NLRC3: variants seen among roughly 807,000 people sequenced by gnomAD.
The protein encoded by NLRC3 is NLR family CARD domain-containing protein 3.
NLRC3 carries 87 observed loss-of-function variants against 91.6 expected under a neutral mutation model. The observed-to-expected ratio is 0.95, with a 90% confidence interval of 0.80 to 1.14. The LOEUF (loss-of-function observed/expected upper bound fraction) is 1.14, where lower values mean the gene tolerates loss of function less well. NLRC3 is among the 50% of genes most tolerant of loss of function. The pLI is 0.00. For missense variants in NLRC3, 1,577 were observed against 1,418.6 expected (o/e 1.11, Z -1.79); for synonymous variants, 694 against 625.3 (o/e 1.11, Z -1.64).
rs1484468253 is a variant in NLRC3 at position 3,564,383 on chromosome 16, T to C, written c.554A>G (p.His185Arg). Residue 185 changes from histidine (H) to arginine (R), a missense_variant, in exon 5 of 20, where the codon CAC becomes CGC. Transcript: ENST00000359128. The surrounding 1 kb of genome is among the most constrained non-coding windows in gnomAD (Gnocchi z 5.9). ...LPLTFRDLNT[H>R]EKLCADRLIC... ...GAGTCGGTCGGCACACAGCTTCTCG[T>C]GGGTGTTGAGATCCCGGAAGGTCAG... The C allele has an allele frequency of 1.2e-6, 2 of 1,612,488 alleles. No individual in the cohort carries two copies. The highest frequency in any genetic ancestry group is 2.2e-5 in the East Asian group (1 of 44,890).
chr16:3,554,813 C>G (rs2039214665), intron 8 of NLRC3, among the ~76,000 whole-genome samples: 1 of 152,134 alleles, frequency 6.6e-6, no homozygotes, highest in South Asian at 2.1e-4. Flanking sequence ...TCGTATTCAC[C>G]AATGTTCACA....
chr16:3,544,727 A>T (rs1596431013), intron 15 of NLRC3: 1 of 209,064 alleles, frequency 4.8e-6, no homozygotes. Flanking sequence ...GCTGGAATGC[A>T]GTGGTGAGAT....
At chr16:3,561,400 G>C (rs1438807296) in intron 6 of NLRC3, among the ~76,000 whole-genome samples, 1 of 152,146 alleles carries the variant, frequency 6.6e-6, no homozygotes, top group East Asian at 1.9e-4. Context: ...AACTTGGAGA[G>C]GTGCTTAGAG....
chr16:3,541,653 G>T lies in NLRC3; in HGVS notation c.*172C>A. 1.7e-6 allele frequency: 1 copy of T among 605,952 alleles called. No individual in the cohort carries two copies. Among genetic ancestry groups the T allele is most frequent in the Non-Finnish European group, 2.9e-6 (1 of 339,570 alleles). 37.5% of individuals were successfully genotyped at this position (605,952 alleles called of 1,614,324 possible). Reference sequence around the variant, plus strand: ...TGCCTGGACCACTCCTGCAGCAGAAGAGGAGCTCACGACCTCCTCCGGCAG... The same window carrying T: ...TGCCTGGACCACTCCTGCAGCAGAATAGGAGCTCACGACCTCCTCCGGCAG... On this transcript the variant is annotated 3_prime_UTR_variant, in exon 20 of 20. Coordinates refer to ENST00000359128, the MANE Select transcript of NLRC3 (RefSeq NM_178844.4).
At chr16:3,555,600 C>G (rs893009780) in intron 8 of NLRC3, among the ~76,000 whole-genome samples, 2 of 151,972 alleles carry the variant, frequency 1.3e-5, no homozygotes, top group South Asian at 4.2e-4. Context: ...GACAGAGTCT[C>G]GCTCTGTCGC....
chr16:3,550,242 C>T (rs963292002), intron 11 of NLRC3, among the ~76,000 whole-genome samples, 172 bp downstream of exon 11: 2 of 152,254 alleles, frequency 1.3e-5, no homozygotes, highest in South Asian at 2.1e-4. Context: ...CCAGCCCCCA[C>T]TGTCTAGGGA....
chr16:3,542,959 C>T, intron 17 of NLRC3, 184 bp from the exon 18 acceptor site: 1 of 582,600 alleles, frequency 1.7e-6, no homozygotes, highest in Non-Finnish European at 3.1e-6. Flanking sequence ...AAGCAGGGCA[C>T]ACAGGGGCAT....
rs771201303 is a variant in NLRC3 at position 3,542,685 on chromosome 16, CACTT to C, written c.3023+3_3023+6del. On this transcript the variant is annotated splice_donor_5th_base_variant and intron_variant, in intron 18 of 19. Coordinates refer to ENST00000359128, the MANE Select transcript of NLRC3 (RefSeq NM_178844.4). ...CAGGATGCAGGTAGGTCCCTCCAGC[CACTT>C]ACTTGAGTCTCCGGAGACTTGAGTT... 2 of 1,594,986 alleles carry C rather than the reference CACTT, an allele frequency of 1.3e-6. No individual in the cohort carries two copies. Among genetic ancestry groups the C allele is most frequent in the Non-Finnish European group, 1.7e-6 (2 of 1,165,262 alleles).
rs2038317598 is a variant in NLRC3 at position 3,539,500 on chromosome 16, T to G, written c.*2325A>C. 1 of 152,182 alleles carries G rather than the reference T, an allele frequency of 6.6e-6. No homozygotes were observed. Among genetic ancestry groups the G allele is most frequent in the South Asian group, 2.1e-4 (1 of 4,820 alleles). 9.4% of individuals were successfully genotyped at this position (152,182 alleles called of 1,614,324 possible). ...GAGAGAGGGAGGACTCTTTGTTTTC[T>G]CCACCAGTTTGGCTCCTGAGGTTTC... On this transcript the variant is annotated 3_prime_UTR_variant, in exon 20 of 20. Coordinates refer to ENST00000359128, the MANE Select transcript of NLRC3 (RefSeq NM_178844.4).
Position 3,565,051 on chromosome 16 carries a change from C to A in NLRC3, c.-15G>T. 6.2e-7 allele frequency: 1 copy of A among 1,605,794 alleles called. No individual in the cohort carries two copies. The highest frequency in any genetic ancestry group is 8.5e-7 in the Non-Finnish European group (1 of 1,178,768). ...TGCTTCCTCATGGAGTCGGGGATCA[C>A]CTCCAGGAGCTGTGAAGAGAGGGCC... On this transcript the variant is annotated 5_prime_UTR_variant, in exon 4 of 20. Transcript: ENST00000359128.
chr16:3,563,666 C>G lies in NLRC3; in HGVS notation c.1271G>C (p.Gly424Ala), dbSNP rs199674712. 347 of 1,613,654 alleles carry G rather than the reference C, an allele frequency of 2.2e-4. No individual in the cohort carries two copies. Among genetic ancestry groups the G allele is most frequent in the Non-Finnish European group, 2.8e-4 (329 of 1,179,894 alleles). Residue 424 changes from glycine to alanine, a missense_variant, in exon 5 of 20, where the codon GGT (glycine) becomes GCT (alanine). By Grantham distance (60) the Gly-to-Ala change is moderately conservative. Coordinates refer to ENST00000359128, the MANE Select transcript of NLRC3 (RefSeq NM_178844.4). ...GCCCTGCAGCAGAGCGAGGTCTACA[C>G]CAAACGCCTTCATGTCTTGCTCGTA... ...VFYEQDMKAF[G>A]VDLALLQGAP...
chr16:3,550,212 C>A (rs1303140119), intron 11 of NLRC3, among the ~76,000 whole-genome samples: 1 of 152,164 alleles, frequency 6.6e-6, no homozygotes, highest in Non-Finnish European at 1.5e-5. Flanking sequence ...CTCATCATTC[C>A]AAACACTCCA....
At chr16:3,552,862 C>T (rs889276157) in intron 9 of NLRC3, among the ~76,000 whole-genome samples, 3 of 152,194 alleles carry the variant, frequency 2.0e-5, no homozygotes, top group Admixed American at 6.5e-5. Flanking sequence ...ATCACTTGAA[C>T]CAGGGAGGCG....
chr16:3,570,384 GA>G (rs2040057306), intron 1 of NLRC3, among the ~76,000 whole-genome samples: 1 of 152,116 alleles, frequency 6.6e-6, no homozygotes, highest in African/African-American at 2.4e-5. Flanking sequence ...AATATTTATG[GA>G]GAGCCTGTTG....
At position 3,544,296 on chromosome 16, in the gene NLRC3, C is replaced by T. The variant is rs35402060; in HGVS notation, c.2805G>A (p.Ala935=). 100,933 of 1,612,652 alleles carry T rather than the reference C, an allele frequency of 0.063. 3,406 individuals are homozygous for T. The highest frequency in any genetic ancestry group is 0.067 in the Admixed American group (4,010 of 60,006). Reference sequence around the variant, plus strand: ...CCTTCAGTGCACGGGCCACCGCACACGCTCCGTCATCCCCGATGGCGTTCT... The same window carrying T: ...CCTTCAGTGCACGGGCCACCGCACATGCTCCGTCATCCCCGATGGCGTTCT... ...LQENAIGDDG[A]CAVARALKVN... is the part of the protein sequence containing the mutation. The change falls in exon 16 of 20, where the codon GCG becomes GCA. Residue 935 remains alanine, a synonymous_variant. Coordinates refer to ENST00000359128, the MANE Select transcript of NLRC3 (RefSeq NM_178844.4).
At position 3,576,289 on chromosome 16, in the gene NLRC3, C is replaced by T. The variant is rs554998505; in HGVS notation, c.-169+860G>A. ...CTTCCGAGAAGGCCTCTGCGGTTGC[C>T]GTCTCTCTCGACCCTTGTCTCACCC... On this transcript the variant is annotated intron_variant, in intron 1 of 19. Coordinates refer to ENST00000359128, the MANE Select transcript of NLRC3 (RefSeq NM_178844.4). Among the ~76,000 whole-genome samples the T allele has an allele frequency of 4.6e-5, 7 of 152,312 alleles. No homozygotes were observed. In the South Asian group the frequency reaches 8.3e-4, roughly 18 times the overall value.
At chr16:3,547,638 A>G (rs1212065183) in intron 15 of NLRC3, among the ~76,000 whole-genome samples, 1 of 151,768 alleles carries the variant, frequency 6.6e-6, no homozygotes, top group African/African-American at 2.4e-5. Flanking sequence ...ATGTGTGTGT[A>G]TATGTGTGTG....
Position 3,539,152 on chromosome 16 carries a change from AT to A in NLRC3, c.*2672del, listed in dbSNP as rs1477470540. On this transcript the variant is annotated 3_prime_UTR_variant, in exon 20 of 20. Coordinates refer to ENST00000359128, the MANE Select transcript of NLRC3 (RefSeq NM_178844.4). ...GTACAAGAAGAAATAGATCCCTCTC[AT>A]TAGCACTTTAATATCAGTGTCACGT... 1 of 152,192 alleles carries A rather than the reference AT, an allele frequency of 6.6e-6. No homozygotes were observed. The highest frequency in any genetic ancestry group is 2.4e-5 in the African/African-American group (1 of 41,444). 9.4% of individuals were successfully genotyped at this position (152,192 alleles called of 1,614,324 possible).
intron 9 of NLRC3, among the ~76,000 whole-genome samples, chr16:3,553,691 G>A (rs1186821201): frequency 1.3e-5 from 2 of 150,376 alleles, no homozygotes; most frequent in South Asian, 2.1e-4. Context: ...TTGGTAGAAG[G>A]TATTTTATTT....
Sources: gnomAD v4.1 joint callset for allele counts (sites outside exome capture counted in the v4.1 genomes callset) on GRCh38, gnomAD v4.1.1 for gene constraint, Gnocchi (gnomAD v3.1) non-coding constraint, MANE v1.5 for transcripts, NCBI Gene and HGNC (gene_info 2026-07-23, HGNC 2026-07-21) for gene names.